RORA: variants seen among roughly 807,000 people sequenced by gnomAD.
RORA encodes RAR related orphan receptor A.
RORA carries 7 observed loss-of-function variants against 69.5 expected under a neutral mutation model. That is an observed-to-expected ratio of 0.10 (90% CI 0.06 to 0.19). The LOEUF (loss-of-function observed/expected upper bound fraction) is 0.19, where lower values mean the gene tolerates loss of function less well. Ranked by LOEUF, RORA falls within the 10% of genes least tolerant of loss-of-function variation. RORA has a pLI of 1.00. For missense variants in RORA, 457 were observed against 663.0 expected, an observed-to-expected ratio of 0.69 and a Z score of 3.41; for synonymous variants, 261 against 240.8, an observed-to-expected ratio of 1.08 and a Z score of -0.78.
intron 1 of RORA, among the ~76,000 whole-genome samples, chr15:60,912,021 T>C (rs1005343180): frequency 1.3e-5 from 2 of 152,042 alleles, no homozygotes; most frequent in East Asian, 1.9e-4. Flanking sequence ...AGTAACTGAT[T>C]TGAGGGAAGG....
intron 3 of RORA, among the ~76,000 whole-genome samples, chr15:60,526,138 T>C (rs960742645): frequency 9.2e-5 from 14 of 152,220 alleles, no homozygotes; most frequent in African/African-American, 3.1e-4. Context: ...CCTATACTCA[T>C]ACATCTGGCA....
At chr15:60,894,027 C>A (rs936431674) in intron 1 of RORA, among the ~76,000 whole-genome samples, 2 of 152,120 alleles carry the variant, frequency 1.3e-5, no homozygotes, top group African/African-American at 4.8e-5. Context: ...AAAGTGCCTG[C>A]GGGAAGACCC....
chr15:61,063,195 C>G (rs768939600), intron 1 of RORA, among the ~76,000 whole-genome samples: 2 of 152,192 alleles, frequency 1.3e-5, no homozygotes, highest in African/African-American at 4.8e-5. Context: ...ATATCTGAAC[C>G]CTTCACGGCG....
Position 60,832,936 on chromosome 15 carries a change from A to G in RORA, c.167-154250T>C, listed in dbSNP as rs543230633. On this transcript the variant is annotated intron_variant, in intron 1 of 10. Coordinates refer to ENST00000335670, the MANE Select transcript of RORA (RefSeq NM_134261.3). ...CTTTTTTTTTTTGAGACGGAGTCTC[A>G]CTGTGTCGCCCAGGCTGGAGTGCAG... Among the ~76,000 whole-genome samples, 355 of 150,964 alleles carry G rather than the reference A, an allele frequency of 2.4e-3. 3 individuals are homozygous for G. Among genetic ancestry groups the G allele is most frequent in the African/African-American group, 8.1e-3 (332 of 41,032 alleles).
chr15:60,544,539 AT>A (rs959997052), intron 2 of RORA, among the ~76,000 whole-genome samples: 4 of 151,942 alleles, frequency 2.6e-5, no homozygotes, highest in Non-Finnish European at 5.9e-5. Flanking sequence ...AACGAAGAGA[AT>A]TTTTTTTCAA....
Position 61,155,630 on chromosome 15 carries a change from G to C in RORA, c.166+73423C>G, listed in dbSNP as rs566477887. Among the ~76,000 whole-genome samples the C allele has an allele frequency of 5.3e-5, 8 of 152,292 alleles. No homozygotes were observed. In the South Asian group the frequency reaches 1.7e-3, roughly 32 times the overall value. On this transcript the variant is annotated intron_variant, in intron 1 of 10. Transcript: ENST00000335670. ...TATCAGGCAACAGAGACCGATCAATGGGAAAGATTAAGCAAAATAATACAC... is the reference window on the plus strand; with the variant it reads ...TATCAGGCAACAGAGACCGATCAATCGGAAAGATTAAGCAAAATAATACAC...
intron 1 of RORA, among the ~76,000 whole-genome samples, chr15:60,688,041 G>GTTATCATAATA (rs2070772671): frequency 6.6e-6 from 1 of 152,110 alleles, no homozygotes; most frequent in Non-Finnish European, 1.5e-5. Context: ...ATACACAAGA[G>GTTATCATAATA]TTATCATAAT....
chr15:61,127,572 C>G (rs2079154371), intron 1 of RORA, among the ~76,000 whole-genome samples: 1 of 152,162 alleles, frequency 6.6e-6, no homozygotes, highest in Non-Finnish European at 1.5e-5. Context: ...ACATGATGCA[C>G]AAACGAAATG....
chr15:60,739,570 CAA>C (rs34191182), intron 1 of RORA, among the ~76,000 whole-genome samples: 6 of 141,174 alleles, frequency 4.3e-5, no homozygotes, highest in South Asian at 4.5e-4. Context: ...GACCTTGTCG[CAA>C]AAAAAAAAAA....
Position 61,128,979 on chromosome 15 carries a change from ATAAC to A in RORA, c.166+100070_166+100073del, listed in dbSNP as rs562956267. Among the ~76,000 whole-genome samples, 27 of 152,236 alleles carry A rather than the reference ATAAC, an allele frequency of 1.8e-4. No individual in the cohort carries two copies. The highest frequency in any genetic ancestry group is 3.1e-4 in the Non-Finnish European group (21 of 68,044). ...AGTGCCCTTAACCCTTTACAAAATA[ATAAC>A]TAGTGTCATGAATTAAAATAGCTGA... On this transcript the variant is annotated intron_variant, in intron 1 of 10. Coordinates refer to ENST00000335670, the MANE Select transcript of RORA (RefSeq NM_134261.3). This position sits in a 1 kb window ranked among gnomAD's most constrained non-coding sequence, Gnocchi z 4.5.
chr15:60,494,714 T>C lies in RORA; in HGVS notation c.*2741A>G, dbSNP rs1475705210. 1.3e-5 allele frequency: 2 copies of C among 152,230 alleles called. No individual in the cohort carries two copies. Among genetic ancestry groups the C allele is most frequent in the African/African-American group, 4.8e-5 (2 of 41,470 alleles). The allele number at this position is 152,230 out of a possible 1,614,324, so 9.4% of individuals were successfully genotyped here. On this transcript the variant is annotated 3_prime_UTR_variant, in exon 11 of 11. Coordinates refer to ENST00000335670, the MANE Select transcript of RORA (RefSeq NM_134261.3). ...TTATGTCAATCAGTGGACTTGGCTC[T>C]TAAGCTCCACCGCTGCTTTTCTTTC...
At chr15:60,786,564 T>G (rs1377061023) in intron 1 of RORA, among the ~76,000 whole-genome samples, 2 of 152,176 alleles carry the variant, frequency 1.3e-5, no homozygotes, top group African/African-American at 4.8e-5. Context: ...GACACCAACC[T>G]TCTGCCACCA....
At chr15:60,965,376 G>A (rs746281288) in intron 1 of RORA, among the ~76,000 whole-genome samples, 1 of 152,158 alleles carries the variant, frequency 6.6e-6, no homozygotes, top group Non-Finnish European at 1.5e-5. Flanking sequence ...CCTAGTTAGT[G>A]TCCTGGTGTT....
At chr15:60,716,667 A>T (rs987594506) in intron 1 of RORA, among the ~76,000 whole-genome samples, 1 of 151,748 alleles carries the variant, frequency 6.6e-6, no homozygotes, top group Non-Finnish European at 1.5e-5. Flanking sequence ...CCAAAGCAGG[A>T]CTCTACTCTT....
intron 3 of RORA, among the ~76,000 whole-genome samples, chr15:60,524,224 T>C (rs191261838): frequency 2.0e-5 from 3 of 152,374 alleles, no homozygotes; most frequent in Non-Finnish European, 4.4e-5. Flanking sequence ...CTTTCACTTC[T>C]TGAGTTGGTT....
At chr15:61,184,232 C>A (rs1297479144) in intron 1 of RORA, among the ~76,000 whole-genome samples, 1 of 152,188 alleles carries the variant, frequency 6.6e-6, no homozygotes, top group African/African-American at 2.4e-5. Flanking sequence ...TCACAACACA[C>A]TCCCCTTACA....
intron 1 of RORA, among the ~76,000 whole-genome samples, chr15:60,702,227 T>A (rs2070993198): frequency 6.6e-6 from 1 of 152,042 alleles, no homozygotes; most frequent in South Asian, 2.1e-4. Context: ...TCGGCTTCAA[T>A]GATCTTTTCT....
chr15:60,821,025 T>G (rs2072886351), intron 1 of RORA, among the ~76,000 whole-genome samples: 1 of 145,362 alleles, frequency 6.9e-6, no homozygotes, highest in African/African-American at 2.6e-5. Context: ...CACCAGGAAC[T>G]GTGGCTGTCC....
chr15:60,515,615 C>A (rs1042509588), intron 3 of RORA, among the ~76,000 whole-genome samples: 2 of 151,894 alleles, frequency 1.3e-5, no homozygotes, highest in Non-Finnish European at 2.9e-5. Context: ...TTAACAGCAA[C>A]CCAAAAGCTT....
Sources: allele counts gnomAD v4.1 joint callset (sites outside exome capture counted in the v4.1 genomes callset), GRCh38; gene constraint gnomAD v4.1.1; non-coding constraint Gnocchi (gnomAD v3.1); transcripts MANE v1.5; gene names NCBI Gene and HGNC (gene_info 2026-07-23, HGNC 2026-07-21).